ZNF763: variants seen among roughly 807,000 people sequenced by gnomAD.
The protein encoded by ZNF763 is DNA-binding protein.
A neutral mutation model predicts 38.0 loss-of-function variants in ZNF763; 33 were observed. The ratio of observed to expected loss-of-function variants is 0.87; its 90% CI spans 0.66 to 1.16. The LOEUF is 1.16. Among genes scored for constraint, ZNF763 ranks in the 50% most tolerant of loss-of-function variants. The pLI is 0.00. For synonymous variants in ZNF763, 155 were observed against 160.1 expected (o/e 0.97, Z 0.24); for missense variants, 423 against 469.1 (o/e 0.90, Z 0.91).
Position 11,979,298 on chromosome 19 carries a change from C to T in ZNF763, c.*189C>T, listed in dbSNP as rs1292076853. ...TATGAGTGTAAGCAATGTGGGAAAG[C>T]CTTCAGATGTGCCCCACACCTTCGA... On this transcript the variant is annotated 3_prime_UTR_variant, in exon 4 of 4. Transcript: ENST00000358987. The T allele has an allele frequency of 1.9e-6, 3 of 1,609,694 alleles. No homozygotes were observed. Among genetic ancestry groups the T allele is most frequent in the Admixed American group, 3.4e-5 (2 of 59,698 alleles).
At chr19:11,968,780 G>A (rs1973291950) in intron 1 of ZNF763, among the ~76,000 whole-genome samples, 1 of 152,122 alleles carries the variant, frequency 6.6e-6, no homozygotes. Context: ...AGCACGTTGG[G>A]AGGCCGAGGC....
intron 3 of ZNF763, 95 bp downstream of exon 3, chr19:11,977,526 T>C: frequency 7.1e-7 from 1 of 1,412,046 alleles, no homozygotes; most frequent in East Asian, 2.3e-5. Flanking sequence ...AAGTCCAGTA[T>C]CAAATTCATC....
rs746518192 is a variant in ZNF763 at position 11,978,234 on chromosome 19, A to G, written c.310A>G (p.Lys104Glu). 2 of 1,614,088 alleles carry G rather than the reference A, an allele frequency of 1.2e-6. No homozygotes were observed. The highest frequency in any genetic ancestry group is 4.5e-5 in the East Asian group (2 of 44,862). ...FQEKKASPEAKSCDNFVCGEV... is the reference protein window; with the variant it reads ...FQEKKASPEAESCDNFVCGEV... ...GGAGAAGAAAGCTTCTCCTGAAGCA[A>G]AATCATGTGATAACTTTGTATGTGG... The change falls in exon 4 of 4, where the codon AAA becomes GAA. Residue 104 changes from lysine (K) to glutamate (E), a missense_variant. Coordinates refer to ENST00000358987, the MANE Select transcript of ZNF763 (RefSeq NM_001367172.2).
In ZNF763 at chr19:11,965,372, G is replaced by A. The variant is rs369020596; in HGVS notation, c.3+161G>A. On this transcript the variant is annotated intron_variant, in intron 1 of 3. Coordinates refer to ENST00000358987, the MANE Select transcript of ZNF763 (RefSeq NM_001367172.2). ...CCCTCGGTCCCCTCGGCCGCTGGAT[G>A]GGGCTGGGCTGGCAGCCGGGACCCC... is the stretch of plus-strand genomic sequence containing the variant. Among the ~76,000 whole-genome samples, 253 of 152,344 alleles carry A rather than the reference G, an allele frequency of 1.7e-3. 4 individuals carry two copies. The highest frequency in any genetic ancestry group is 5.7e-3 in the African/African-American group (238 of 41,588).
At chr19:11,966,810 A>G (rs942664383) in intron 1 of ZNF763, among the ~76,000 whole-genome samples, 1 of 152,188 alleles carries the variant, frequency 6.6e-6, no homozygotes, top group Non-Finnish European at 1.5e-5. Context: ...AATAATCGAA[A>G]GGTTCAGATT....
At position 11,978,946 on chromosome 19, in the gene ZNF763, A is replaced by C. The variant is rs751605910; in HGVS notation, c.1022A>C (p.Gln341Pro). 5.0e-6 allele frequency: 8 copies of C among 1,614,210 alleles called. No individual in the cohort carries two copies. The South Asian group carries it at 8.8e-5, about 18-fold the overall frequency. Residue 341 changes from glutamine to proline, a missense_variant, in exon 4 of 4, where the codon CAA becomes CCA. Transcript: ENST00000358987. ...KRSHTGEKPY[Q>P]CKECRKAFTY... ...AGTCACACGGGAGAGAAGCCTTATC[A>C]ATGTAAGGAATGTAGAAAAGCATTC...
intron 1 of ZNF763, among the ~76,000 whole-genome samples, chr19:11,973,805 G>T (rs1973399792): frequency 6.6e-6 from 1 of 151,944 alleles, no homozygotes; most frequent in Non-Finnish European, 1.5e-5. Context: ...TTTGTGGGAG[G>T]ACTTTTGTGT....
chr19:11,965,502 C>A (rs1973208161), intron 1 of ZNF763, among the ~76,000 whole-genome samples: 1 of 152,226 alleles, frequency 6.6e-6, no homozygotes, highest in Admixed American at 6.5e-5. Context: ...TATGCGGAAG[C>A]CACGAGAGGG....
At chr19:11,975,316 G>A (rs926581952) in intron 1 of ZNF763, among the ~76,000 whole-genome samples, 11 of 151,668 alleles carry the variant, frequency 7.3e-5, no homozygotes, top group Middle Eastern at 3.4e-3. Context: ...GATGATTTCC[G>A]CCCCACCCAC....
chr19:11,978,667 GAA>G lies in ZNF763; in HGVS notation c.744_745del (p.Arg248SerfsTer9). 6.2e-7 allele frequency: 1 copy of G among 1,614,102 alleles called. No individual in the cohort carries two copies. The highest frequency in any genetic ancestry group is 8.5e-7 in the Non-Finnish European group (1 of 1,180,002). ...TCTGCTACCCATCGAATACATGAAA[GAA>G]CTCACACTGGAGAAAAGCCTTATGA... On this transcript the variant is annotated frameshift_variant, in exon 4 of 4. Transcript: ENST00000358987. LOFTEE classifies it high-confidence loss of function.
intron 1 of ZNF763, among the ~76,000 whole-genome samples, chr19:11,974,072 TC>T (rs1973409295): frequency 1.6e-5 from 1 of 61,508 alleles, no homozygotes; most frequent in Non-Finnish European, 3.5e-5. Context: ...TTCTTTCTTT[TC>T]TTTCTTTCTT....
chr19:11,968,725 A>G (rs1237350095), intron 1 of ZNF763, among the ~76,000 whole-genome samples: 3 of 152,310 alleles, frequency 2.0e-5, no homozygotes, highest in South Asian at 4.1e-4. Flanking sequence ...TATAGAGATC[A>G]GTAGTAGAGA....
At chr19:11,967,875 A>G (rs976980947) in intron 1 of ZNF763, among the ~76,000 whole-genome samples, 7 of 152,224 alleles carry the variant, frequency 4.6e-5, no homozygotes, top group South Asian at 2.1e-4. Context: ...GTGGGCTGAC[A>G]GCGTCACAAA....
At chr19:11,967,152 T>C (rs1371088630) in intron 1 of ZNF763, among the ~76,000 whole-genome samples, 1 of 152,090 alleles carries the variant, frequency 6.6e-6, no homozygotes, top group Non-Finnish European at 1.5e-5. Flanking sequence ...CTGGGCAACA[T>C]AGCGAAACCT....
At chr19:11,970,656 A>C (rs571912302) in intron 1 of ZNF763, among the ~76,000 whole-genome samples, 2 of 152,266 alleles carry the variant, frequency 1.3e-5, no homozygotes, top group East Asian at 3.9e-4. Context: ...CCTTAAATAG[A>C]TGTCCAGAGC....
At chr19:11,975,368 C>A (rs1973464037) in intron 1 of ZNF763, among the ~76,000 whole-genome samples, 1 of 151,852 alleles carries the variant, frequency 6.6e-6, no homozygotes, top group South Asian at 2.1e-4. Context: ...GCCACTGCAC[C>A]CGGCCAAGAT....
In ZNF763 at chr19:11,977,393, C is replaced by T. The variant is rs1179352937; in HGVS notation, c.153C>T (p.Asn51=). ...TSIGKKWKDQ[N]IEYEYQNPRR... Reference sequence around the variant, plus strand: ...TAGGGAAAAAGTGGAAAGACCAGAACATTGAATATGAGTACCAAAACCCCA... The same window carrying T: ...TAGGGAAAAAGTGGAAAGACCAGAATATTGAATATGAGTACCAAAACCCCA... Residue 51 remains asparagine (N), a synonymous_variant, in exon 3 of 4, where the codon AAC becomes AAT. Transcript: ENST00000358987. 2.5e-6 allele frequency: 4 copies of T among 1,613,872 alleles called. No homozygotes were observed. Among genetic ancestry groups the T allele is most frequent in the African/African-American group, 1.3e-5 (1 of 74,912 alleles).
intron 1 of ZNF763, among the ~76,000 whole-genome samples, chr19:11,968,055 T>C (rs1282293602): frequency 6.6e-6 from 1 of 152,186 alleles, no homozygotes; most frequent in Non-Finnish European, 1.5e-5. Context: ...CTTCAGGCTG[T>C]TTTCTTAATG....
At position 11,979,741 on chromosome 19, in the gene ZNF763, A is replaced by G. The variant is rs2145349888; in HGVS notation, c.*632A>G. The G allele has an allele frequency of 2.5e-6, 4 of 1,590,550 alleles. No homozygotes were observed. The East Asian group carries it at 9.0e-5, about 36-fold the overall frequency. ...GTAAGCAATGTGGGAAAGCCTTCAG[A>G]TCTGCCCCACACCTTCGAATCCATG... is the stretch of plus-strand genomic sequence containing the variant. On this transcript the variant is annotated 3_prime_UTR_variant, in exon 4 of 4. Coordinates refer to ENST00000358987, the MANE Select transcript of ZNF763 (RefSeq NM_001367172.2).
Sources: allele counts gnomAD v4.1 joint callset (sites outside exome capture counted in the v4.1 genomes callset), GRCh38; gene constraint gnomAD v4.1.1; transcripts MANE v1.5; gene names NCBI Gene and HGNC (gene_info 2026-07-23, HGNC 2026-07-21).